MSH3: variants seen among roughly 807,000 people sequenced by gnomAD.
MSH3 encodes mutS homolog 3, also known as DNA mismatch repair protein Msh3.
In MSH3, 106 loss-of-function variants were observed where a neutral mutation model predicts 123.3. The ratio of observed to expected loss-of-function variants is 0.86; its 90% CI spans 0.73 to 1.01. MSH3 has a LOEUF of 1.01. Ranked by LOEUF, MSH3 falls within the 50% of genes least tolerant of loss-of-function variation. MSH3 has a pLI of 0.00. For missense variants in MSH3, 1,459 were observed against 1,347.6 expected, an observed-to-expected ratio of 1.08 and a Z score of -1.29; for synonymous variants, 515 against 481.4, an observed-to-expected ratio of 1.07 and a Z score of -0.91.
At chr5:80,700,678 T>C (rs1007883692) in intron 8 of MSH3, among the ~76,000 whole-genome samples, 53 of 152,180 alleles carry the variant, frequency 3.5e-4, no homozygotes, top group Non-Finnish European at 6.9e-4. Flanking sequence ...GTGATAGTTA[T>C]TTTATAAGAA....
At position 80,692,710 on chromosome 5, in the gene MSH3, A is replaced by G. The variant is rs551972632; in HGVS notation, c.1340+13617A>G. Reference sequence around the variant, plus strand: ...TATAGATAAATATACATACACATGTATATGTTTATATAGATAAATATACAT... The same window carrying G: ...TATAGATAAATATACATACACATGTGTATGTTTATATAGATAAATATACAT... On this transcript the variant is annotated intron_variant, in intron 8 of 23. Transcript: ENST00000265081. 4.4e-5 allele frequency among the ~76,000 whole-genome samples: 6 copies of G among 136,548 alleles called. No individual in the cohort carries two copies. In the South Asian group the frequency reaches 1.4e-3, roughly 32 times the overall value. 89.6% of individuals were successfully genotyped at this position (136,548 alleles called of 152,430 possible). A position where few individuals can be genotyped will look rare whatever the true frequency, so the allele number is the denominator to read the frequency against.
In MSH3 at chr5:80,675,010, A is replaced by T; in HGVS notation, c.1055A>T (p.Asp352Val). 1 of 1,610,664 alleles carries T rather than the reference A, an allele frequency of 6.2e-7. No individual in the cohort carries two copies. Among genetic ancestry groups the T allele is most frequent in the Non-Finnish European group, 8.5e-7 (1 of 1,177,122 alleles). ...EDVNPLIKLDDAVNVDEIMTD... is the reference protein window; with the variant it reads ...EDVNPLIKLDVAVNVDEIMTD... ...GTGAATCCCCTAATCAAGCTGGATG[A>T]TGCTGTAAATGTTGATGAGATAATG... Residue 352 changes from aspartate (D) to valine (V), a missense_variant, in exon 7 of 24, where the codon GAT becomes GTT. By Grantham distance (152) the Asp-to-Val change is radical. Transcript: ENST00000265081.
intron 22 of MSH3, among the ~76,000 whole-genome samples, chr5:80,869,839 T>TACACAC (rs1222307003): frequency 0.014 from 783 of 54,690 alleles, 5 homozygotes; most frequent in African/African-American, 0.022. Context: ...TATACATATA[T>TACACAC]ATACACACAC....
intron 21 of MSH3, chr5:80,855,647 A>G (rs535456788): frequency 5.3e-5 from 8 of 152,244 alleles, no homozygotes; most frequent in Admixed American, 3.3e-4. Flanking sequence ...AGTTTCATAC[A>G]CTGTTTGGGA....
At position 80,718,130 on chromosome 5, in the gene MSH3, C is replaced by G. The variant is rs554334317; in HGVS notation, c.1341-7323C>G. On this transcript the variant is annotated intron_variant, in intron 8 of 23. Transcript: ENST00000265081. ...TTTTGGCAGTCACTCTAGAAGCTCT[C>G]TCTGCCTCCTCACTGTCATAGCCCT... 2.6e-5 allele frequency among the ~76,000 whole-genome samples: 4 copies of G among 152,318 alleles called. No individual in the cohort carries two copies. The South Asian group carries it at 8.3e-4, about 32-fold the overall frequency.
intron 12 of MSH3, among the ~76,000 whole-genome samples, chr5:80,750,797 C>T (rs529495270): frequency 1.3e-5 from 2 of 152,254 alleles, no homozygotes; most frequent in Non-Finnish European, 1.5e-5. Context: ...AAGGCTTTTT[C>T]TCAAGTCTTT....
chr5:80,857,481 A>T (rs1482296692), intron 21 of MSH3, among the ~76,000 whole-genome samples: 1 of 152,210 alleles, frequency 6.6e-6, no homozygotes, highest in Non-Finnish European at 1.5e-5. Context: ...TCTTCCTTAA[A>T]CATTTGGTGG....
rs954024168 is a variant in MSH3, at chr5:80,787,560, C to T, written c.2436-5C>T. The T allele has an allele frequency of 3.1e-6, 5 of 1,603,848 alleles. No individual in the cohort carries two copies. The highest frequency in any genetic ancestry group is 3.3e-5 in the Admixed American group (2 of 59,956). ...ACCTTTTTGTTGTTGCTGCTGCTTC[C>T]GTAGGAAATTCAGTGAACATTATCA... On this transcript the variant is annotated splice_polypyrimidine_tract_variant and splice_region_variant and intron_variant, in intron 17 of 23. Transcript: ENST00000265081.
intron 12 of MSH3, among the ~76,000 whole-genome samples, chr5:80,757,898 G>C (rs779394311): frequency 1.3e-5 from 2 of 152,172 alleles, no homozygotes; most frequent in African/African-American, 2.4e-5. Context: ...ATTTAAAAAT[G>C]TAGTCATTCT....
intron 2 of MSH3, among the ~76,000 whole-genome samples, chr5:80,664,413 G>A (rs920398909): frequency 1.3e-5 from 2 of 152,148 alleles, no homozygotes; most frequent in Admixed American, 6.5e-5. Context: ...CTGGAGGGGA[G>A]TAGGAGTGCT....
At chr5:80,769,181 T>A (rs2112885473) in intron 15 of MSH3, among the ~76,000 whole-genome samples, 178 bp downstream of exon 15, 1 of 152,234 alleles carries the variant, frequency 6.6e-6, no homozygotes, top group Middle Eastern at 3.4e-3. Flanking sequence ...TGATAGTGTT[T>A]TATTAGTCTC....
At chr5:80,824,435 C>T (rs13179368) in intron 20 of MSH3, among the ~76,000 whole-genome samples, 7 of 150,806 alleles carry the variant, frequency 4.6e-5, no homozygotes, top group East Asian at 3.9e-4. Context: ...GCTGGCCGGG[C>T]GGGGGCTGCC....
chr5:80,725,759 A>T (rs577661701), intron 9 of MSH3, among the ~76,000 whole-genome samples, 194 bp downstream of exon 9: 2 of 152,286 alleles, frequency 1.3e-5, no homozygotes, highest in South Asian at 2.1e-4. Context: ...GAGGTAGGGG[A>T]GGATCGCCTG....
rs373770809 is a variant in MSH3 at position 80,833,172 on chromosome 5, T to C, written c.2813+19431T>C. 5.8e-4 allele frequency among the ~76,000 whole-genome samples: 89 copies of C among 152,258 alleles called. No homozygotes were observed. In the East Asian group the frequency reaches 0.011, roughly 19 times the overall value. ...AGGGGGATTAGAAAGATTAGTCAGCTGCCACTCCTAAAAATATCAGAGTGA... is the reference window on the plus strand; with the variant it reads ...AGGGGGATTAGAAAGATTAGTCAGCCGCCACTCCTAAAAATATCAGAGTGA... On this transcript the variant is annotated intron_variant, in intron 20 of 23. Transcript: ENST00000265081.
chr5:80,774,728 C>T (rs1033763809), intron 15 of MSH3, among the ~76,000 whole-genome samples: 4 of 152,078 alleles, frequency 2.6e-5, no homozygotes, highest in African/African-American at 7.2e-5. Flanking sequence ...ACAAACTTTG[C>T]GTGTTGTCAC....
At chr5:80,678,249 T>A (rs1749885866) in intron 7 of MSH3, among the ~76,000 whole-genome samples, 1 of 152,224 alleles carries the variant, frequency 6.6e-6, no homozygotes, top group Admixed American at 6.5e-5. Flanking sequence ...ATTGTCACTC[T>A]GGGACCTTGG....
chr5:80,729,430 A>AATGTG (rs1491210653), intron 10 of MSH3, among the ~76,000 whole-genome samples: 7,102 of 76,318 alleles, frequency 0.093, 449 homozygotes, highest in Non-Finnish European at 0.11. Flanking sequence ...AAAAAAAAAA[A>AATGTG]TGTGTGTGTG....
In MSH3 at chr5:80,813,482, A is replaced by G. The variant is rs539819390; in HGVS notation, c.2656-102A>G. On this transcript the variant is annotated intron_variant, in intron 19 of 23. Coordinates refer to ENST00000265081, the MANE Select transcript of MSH3 (RefSeq NM_002439.5). Reference sequence around the variant, plus strand: ...TTTCCTTTTGTGATATTTATGCTACAAAGTAATGTTTTGCCTAATGCATTT... The same window carrying G: ...TTTCCTTTTGTGATATTTATGCTACGAAGTAATGTTTTGCCTAATGCATTT... The G allele has an allele frequency of 3.3e-6, 4 of 1,198,844 alleles. No homozygotes were observed. In the East Asian group the frequency reaches 7.3e-5, roughly 22 times the overall value. The allele number at this position is 1,198,844 out of a possible 1,614,324, so 74.3% of individuals were successfully genotyped here.
chr5:80,707,557 TA>T lies in MSH3; in HGVS notation c.1341-17885del, dbSNP rs879781172. On this transcript the variant is annotated intron_variant, in intron 8 of 23. Transcript: ENST00000265081. Reference sequence around the variant, plus strand: ...GGGCAACATAGTGAGACCCTGGCTCTAAAAAAAAAAACAAAAAAACCCCAAA... The same window carrying T: ...GGGCAACATAGTGAGACCCTGGCTCTAAAAAAAAAACAAAAAAACCCCAAA... Among the ~76,000 whole-genome samples, 348 of 138,704 alleles carry T rather than the reference TA, an allele frequency of 2.5e-3. 2 individuals are homozygous for T. The highest frequency in any genetic ancestry group is 7.9e-3 in the African/African-American group (295 of 37,450). The allele number at this position is 138,704 out of a possible 152,430, so 91.0% of individuals were successfully genotyped here.
Sources: allele counts gnomAD v4.1 joint callset (sites outside exome capture counted in the v4.1 genomes callset), GRCh38; gene constraint gnomAD v4.1.1; transcripts MANE v1.5; gene names NCBI Gene and HGNC (gene_info 2026-07-23, HGNC 2026-07-21).